PLA2G2A: variants seen among roughly 807,000 people sequenced by gnomAD.
The protein encoded by PLA2G2A is phospholipase A2, membrane associated.
Under a neutral mutation model 11.2 loss-of-function variants are expected in PLA2G2A, and 6 were observed. That is an observed-to-expected ratio of 0.54 (90% CI 0.29 to 1.06). PLA2G2A has a LOEUF of 1.06. Ranked by LOEUF, PLA2G2A falls within the 50% of genes least tolerant of loss-of-function variation. The pLI is 0.08. For missense variants in PLA2G2A, 133 were observed against 177.1 expected, an observed-to-expected ratio of 0.75 and a Z score of 1.41; for synonymous variants, 69 against 65.8, an observed-to-expected ratio of 1.05 and a Z score of -0.23.
chr1:19,975,912 T>C, intron 4 of PLA2G2A, 69 bp from the exon 5 acceptor site: 11 of 1,399,740 alleles, frequency 7.9e-6, no homozygotes, highest in Non-Finnish European at 1.1e-5. Context: ...GTGGGAACCC[T>C]GGGGTAGAAG....
At chr1:19,980,175 GA>G (rs2046280855), upstream of PLA2G2A, among the ~76,000 whole-genome samples, 1 of 152,218 alleles carries the variant, frequency 6.6e-6, no homozygotes, top group Non-Finnish European at 1.5e-5. Context: ...CCACCAGGGA[GA>G]GAGTTTAATG....
intron 3 of PLA2G2A, 94 bp from the exon 4 acceptor site, chr1:19,978,215 A>G (rs946385467): frequency 1.2e-4 from 162 of 1,334,434 alleles, no homozygotes; most frequent in Non-Finnish European, 1.7e-4. Context: ...GCAGAGACCC[A>G]GTGACTTTGC....
chr1:19,975,987 C>T (rs1287776528), intron 4 of PLA2G2A, 144 bp from the exon 5 acceptor site: 6 of 736,788 alleles, frequency 8.1e-6, no homozygotes, highest in Non-Finnish European at 1.4e-5. Flanking sequence ...ATATTTCTGA[C>T]CAATGGGGAG....
At chr1:19,978,972 TGCAC>T in intron 1 of PLA2G2A, 93 bp from the exon 2 acceptor site, 1 of 439,318 alleles carries the variant, frequency 2.3e-6, no homozygotes, top group Non-Finnish European at 3.9e-6. Flanking sequence ...CCTCCAGCAA[TGCAC>T]ACACACACAC....
In PLA2G2A at chr1:19,977,949, C is replaced by T. The variant is rs2046243329; in HGVS notation, c.292+66G>A. The stretch of plus-strand genomic sequence containing the variant: ...TGTCCCTCTGTGTCTATCTTTGGTG[C>T]CCAGCACAGTCCCCAGCACTGTCTA... On this transcript the variant is annotated intron_variant, in intron 4 of 4. Coordinates refer to ENST00000482011, the Ensembl canonical transcript of PLA2G2A. 5.2e-6 allele frequency: 5 copies of T among 953,236 alleles called. No homozygotes were observed. In the East Asian group the frequency reaches 9.5e-5, roughly 18 times the overall value. 59.0% of individuals were successfully genotyped at this position (953,236 alleles called of 1,614,324 possible).
rs1481389093 is a variant in PLA2G2A at position 19,978,003 on chromosome 1, T to C, written c.292+12A>G. Reference sequence around the variant, plus strand: ...AAATGAGGGCCACTCGATGGTGAGGTAGGACTCTTACCACAGGTGATTCTG... The same window carrying C: ...AAATGAGGGCCACTCGATGGTGAGGCAGGACTCTTACCACAGGTGATTCTG... On this transcript the variant is annotated intron_variant, in intron 4 of 4. Coordinates refer to ENST00000482011, the Ensembl canonical transcript of PLA2G2A. 2.0e-6 allele frequency: 3 copies of C among 1,499,444 alleles called. No homozygotes were observed. The highest frequency in any genetic ancestry group is 2.8e-6 in the Non-Finnish European group (3 of 1,075,140). The allele number at this position is 1,499,444 out of a possible 1,614,324, so 92.9% of individuals were successfully genotyped here. A position where few individuals can be genotyped will look rare whatever the true frequency, so the allele number is the denominator to read the frequency against.
chr1:19,978,322 G>C, intron 3 of PLA2G2A, 58 bp downstream of exon 3: 1 of 1,587,390 alleles, frequency 6.3e-7, no homozygotes, highest in Admixed American at 1.7e-5. Flanking sequence ...TGTCTTTGCA[G>C]CTCCCAGCCC....
chr1:19,978,599 A>G, intron 2 of PLA2G2A, 75 bp from the exon 3 acceptor site: 1 of 1,602,812 alleles, frequency 6.2e-7, no homozygotes, highest in South Asian at 1.1e-5. Context: ...CCTCTCTGCT[A>G]CTCTCCTTCC....
intron 4 of PLA2G2A, among the ~76,000 whole-genome samples, chr1:19,976,838 C>T (rs188474100): frequency 3.3e-5 from 5 of 152,310 alleles, no homozygotes; most frequent in East Asian, 1.9e-4. Context: ...TTTGCCCTCC[C>T]GACTCCATGG....
chr1:19,975,830 G>A (rs12567971), exon 5 of PLA2G2A: 1 of 1,614,026 alleles, frequency 6.2e-7, no homozygotes, highest in Non-Finnish European at 8.5e-7. Context: ...GACTTCTGCA[G>A]GAGTCCTGTT....
intron 1 of PLA2G2A, 89 bp from the exon 2 acceptor site, chr1:19,978,968 G>T: frequency 2.0e-6 from 1 of 502,438 alleles, no homozygotes; most frequent in Non-Finnish European, 3.4e-6. Flanking sequence ...GTGCCCTCCA[G>T]CAATGCACAC....
downstream of PLA2G2A, chr1:19,975,503 G>A (rs2046206942): frequency 1.6e-6 from 1 of 621,344 alleles, no homozygotes; most frequent in African/African-American, 1.8e-5. Context: ...GCACGGAGTT[G>A]AGGTGGAGGA....
intron 4 of PLA2G2A, among the ~76,000 whole-genome samples, chr1:19,976,617 T>C (rs1242636218): frequency 6.6e-6 from 1 of 152,140 alleles, no homozygotes; most frequent in Non-Finnish European, 1.5e-5. Context: ...ATGGGAGACA[T>C]AATTTCTGAT....
intron 1 of PLA2G2A, 93 bp from the exon 2 acceptor site, chr1:19,978,972 T>C: frequency 9.1e-6 from 4 of 439,318 alleles, no homozygotes; most frequent in Non-Finnish European, 1.5e-5. Flanking sequence ...CCTCCAGCAA[T>C]GCACACACAC....
chr1:19,975,714 G>A (rs373594988), exon 5 of PLA2G2A: 4 of 1,613,678 alleles, frequency 2.5e-6, no homozygotes, highest in African/African-American at 1.3e-5. Context: ...GCAACGAGGG[G>A]TGCTCCCTCT....
At chr1:19,976,780 CCT>C (rs766284493) in intron 4 of PLA2G2A, among the ~76,000 whole-genome samples, 2 of 152,138 alleles carry the variant, frequency 1.3e-5, no homozygotes, top group Non-Finnish European at 2.9e-5. Context: ...GTCTTTGCCT[CCT>C]GTCTTTATTT....
intron 1 of PLA2G2A, 122 bp from the exon 2 acceptor site, chr1:19,979,001 A>ACACACACAC (rs1491418624): frequency 4.4e-5 from 23 of 525,266 alleles, no homozygotes; most frequent in East Asian, 2.3e-4. Flanking sequence ...ACACACACAC[A>ACACACACAC]ACCACCTCCT....
intron 2 of PLA2G2A, 56 bp from the exon 3 acceptor site, chr1:19,978,580 C>T: frequency 6.2e-7 from 1 of 1,604,900 alleles, no homozygotes; most frequent in Non-Finnish European, 8.5e-7. Flanking sequence ...TGCGCCCTCC[C>T]TCTCTGCCCC....
At chr1:19,978,853 T>G in exon 2 of PLA2G2A, 7 of 1,338,104 alleles carry the variant, frequency 5.2e-6, no homozygotes, top group Non-Finnish European at 7.5e-6. Flanking sequence ...GCCCCGGCCG[T>G]CGCTCCCCTG....
Sources: allele counts gnomAD v4.1 joint callset (sites outside exome capture counted in the v4.1 genomes callset), GRCh38; gene constraint gnomAD v4.1.1; transcripts MANE v1.5; gene names NCBI Gene and HGNC (gene_info 2026-07-23, HGNC 2026-07-21).